Variants in FHOD3 observed in about 807,000 individuals in gnomAD.
FHOD3 encodes the protein FH1/FH2 domain-containing protein 3.
A neutral mutation model predicts 173.0 loss-of-function variants in FHOD3; 90 were observed. The ratio of observed to expected loss-of-function variants is 0.52; its 90% confidence interval spans 0.44 to 0.62. FHOD3 has a LOEUF of 0.62. Among genes scored for constraint, FHOD3 ranks in the 20% least tolerant of loss-of-function variants. The pLI, the probability that FHOD3 is intolerant of heterozygous loss-of-function variation, is 0.00. For synonymous variants in FHOD3, 828 were observed against 823.0 expected, an observed-to-expected ratio of 1.01 and a Z score of -0.10; for missense variants, 1,945 against 2,034.7, an observed-to-expected ratio of 0.96 and a Z score of 0.85.
rs564185976 is a variant in FHOD3 at position 36,695,358 on chromosome 18, A to T, written c.2236+1935A>T. 1.1e-4 allele frequency among the ~76,000 whole-genome samples: 16 copies of T among 152,178 alleles called. No individual in the cohort carries two copies. The East Asian group carries it at 2.5e-3, about 24-fold the overall frequency. ...GTGAGACACCGTCTCAAAAATAAAA[A>T]AAAAAAAAAAGAATATTTGCAAGTG... On this transcript the variant is annotated intron_variant, in intron 17 of 28. Transcript: ENST00000590592.
chr18:36,384,607 G>T (rs1197151170), intron 3 of FHOD3, among the ~76,000 whole-genome samples: 2 of 151,156 alleles, frequency 1.3e-5, no homozygotes, highest in Non-Finnish European at 2.9e-5. Flanking sequence ...ATATTTCATT[G>T]GTGTTAGATC....
intron 3 of FHOD3, among the ~76,000 whole-genome samples, chr18:36,470,993 A>G (rs1369649355): frequency 1.3e-5 from 2 of 152,232 alleles, no homozygotes; most frequent in Non-Finnish European, 2.9e-5. Context: ...CCTCTAGAGC[A>G]GAGACCTCAG....
intron 5 of FHOD3, among the ~76,000 whole-genome samples, chr18:36,541,973 G>A (rs1449404608): frequency 2.0e-5 from 3 of 152,126 alleles, no homozygotes; most frequent in African/African-American, 2.4e-5. Context: ...GTAGATTTGT[G>A]CCAGCATCTA....
In FHOD3 at chr18:36,652,780, C is replaced by G. The variant is rs1001177567; in HGVS notation, c.1497C>G (p.Ser499=). Residue 499 remains serine (S), a synonymous_variant, in exon 12 of 29, where the codon TCC becomes TCG. Transcript: ENST00000590592. ...LSPPASAARP[S]SATPGSLKVS... ...CCCCTGCCTCAGCTGCTCGGCCCTC[C>G]TCCGCCACACCAGGCTCCCTGAAGG... 45 of 1,535,882 alleles carry G rather than the reference C, an allele frequency of 2.9e-5. No individual in the cohort carries two copies. Among genetic ancestry groups the G allele is most frequent in the Middle Eastern group, 3.3e-4 (2 of 6,004 alleles).
At position 36,355,585 on chromosome 18, in the gene FHOD3, A is replaced by G. The variant is rs758768699; in HGVS notation, c.212A>G (p.Asp71Gly). 2.5e-6 allele frequency: 4 copies of G among 1,614,104 alleles called. No individual in the cohort carries two copies. The highest frequency in any genetic ancestry group is 1.1e-5 in the South Asian group (1 of 91,072). ...LQLSHNGAYL[D>G]LEATLAEQRD... Reference sequence around the variant, plus strand: ...CTCTCTCACAATGGCGCCTACCTGGATTTGGAGGCCACCCTGGCAGAGCAG... The same window carrying G: ...CTCTCTCACAATGGCGCCTACCTGGGTTTGGAGGCCACCCTGGCAGAGCAG... Residue 71 changes from aspartate (D) to glycine (G), a missense_variant, in exon 2 of 29, where the codon GAT becomes GGT. This residue lies in a region of FHOD3 where 245 missense variants were observed against 267.7 expected (regional missense o/e 0.92). Coordinates refer to ENST00000590592, the MANE Select transcript of FHOD3 (RefSeq NM_001281740.3).
intron 1 of FHOD3, among the ~76,000 whole-genome samples, chr18:36,349,175 C>T (rs1216640979): frequency 3.3e-5 from 5 of 152,112 alleles, no homozygotes; most frequent in Admixed American, 1.3e-4. Context: ...AGGCTGTGAG[C>T]GGGGGTGGCA....
chr18:36,388,716 T>C (rs2048148239), intron 3 of FHOD3, among the ~76,000 whole-genome samples: 1 of 152,110 alleles, frequency 6.6e-6, no homozygotes, highest in Non-Finnish European at 1.5e-5. Flanking sequence ...CGTTGCCTCT[T>C]CCACAGAAGG....
At chr18:36,634,801 T>C (rs950494526) in intron 10 of FHOD3, among the ~76,000 whole-genome samples, 1 of 151,846 alleles carries the variant, frequency 6.6e-6, no homozygotes, top group African/African-American at 2.4e-5. Flanking sequence ...ATCCATGCCC[T>C]GAAGCATTCA....
intron 1 of FHOD3, among the ~76,000 whole-genome samples, chr18:36,298,924 AT>A (rs1449649352): frequency 6.6e-6 from 1 of 152,098 alleles, no homozygotes; most frequent in Non-Finnish European, 1.5e-5. Flanking sequence ...AGCTTGCAAA[AT>A]TACCTTCCCA....
At chr18:36,357,899 A>G (rs2046437765) in intron 2 of FHOD3, among the ~76,000 whole-genome samples, 1 of 152,308 alleles carries the variant, frequency 6.6e-6, no homozygotes, top group South Asian at 2.1e-4. Flanking sequence ...AATGATTTGG[A>G]GATGACAGCT....
chr18:36,650,394 T>C (rs1322605486), intron 11 of FHOD3, among the ~76,000 whole-genome samples: 2 of 152,160 alleles, frequency 1.3e-5, no homozygotes, highest in African/African-American at 4.8e-5. Context: ...CCGGGGGTCA[T>C]AGAATCTTCT....
At position 36,459,641 on chromosome 18, in the gene FHOD3, C is replaced by T. The variant is rs79355974; in HGVS notation, c.338-42291C>T. On this transcript the variant is annotated intron_variant, in intron 3 of 28. Transcript: ENST00000590592. ...TCAAATGGTCGTGGTATTAGATGAT[C>T]AAGTATAAAAGCAGAGCATTTTGAT... Among the ~76,000 whole-genome samples the T allele has an allele frequency of 6.0e-4, 91 of 152,156 alleles. 1 individual carries two copies. In the East Asian group the frequency reaches 0.016, roughly 27 times the overall value.
chr18:36,512,833 G>A (rs1306968777), intron 5 of FHOD3, among the ~76,000 whole-genome samples: 1 of 152,092 alleles, frequency 6.6e-6, no homozygotes, highest in African/African-American at 2.4e-5. Context: ...TATTTGTCCA[G>A]GAAGGAGACA....
chr18:36,396,215 T>C (rs905910737), intron 3 of FHOD3, among the ~76,000 whole-genome samples: 3 of 152,232 alleles, frequency 2.0e-5, no homozygotes, highest in Non-Finnish European at 4.4e-5. Context: ...TGTCTTGGTA[T>C]AGGTCTTTCT....
intron 3 of FHOD3, among the ~76,000 whole-genome samples, chr18:36,403,272 A>G (rs2048910998): frequency 1.3e-5 from 2 of 152,198 alleles, no homozygotes; most frequent in Non-Finnish European, 2.9e-5. Context: ...TTGGAATGGT[A>G]CTGGTAGAAT....
intron 3 of FHOD3, among the ~76,000 whole-genome samples, chr18:36,393,550 T>G (rs977080107): frequency 7.9e-5 from 12 of 152,198 alleles, no homozygotes; most frequent in Admixed American, 4.6e-4. Flanking sequence ...GCTCTAGAGC[T>G]GGCCCCAAGA....
At chr18:36,415,005 G>T (rs373210059) in intron 3 of FHOD3, among the ~76,000 whole-genome samples, 2 of 152,190 alleles carry the variant, frequency 1.3e-5, no homozygotes, top group African/African-American at 2.4e-5. Context: ...CTAGCAGGAG[G>T]GGGCAGTGAG....
In FHOD3 at chr18:36,445,792, T is replaced by C. The variant is rs377763363; in HGVS notation, c.338-56140T>C. On this transcript the variant is annotated intron_variant, in intron 3 of 28. Coordinates refer to ENST00000590592, the MANE Select transcript of FHOD3 (RefSeq NM_001281740.3). ...CCCCATTGGTGGGTTCCAGAAATCATGGGCATGTCCAGGTAGTTGCAGCGA... is the reference window on the plus strand; with the variant it reads ...CCCCATTGGTGGGTTCCAGAAATCACGGGCATGTCCAGGTAGTTGCAGCGA... 3.9e-5 allele frequency among the ~76,000 whole-genome samples: 6 copies of C among 152,314 alleles called. No individual in the cohort carries two copies. The East Asian group carries it at 1.2e-3, about 29-fold the overall frequency.
intron 6 of FHOD3, among the ~76,000 whole-genome samples, chr18:36,589,967 A>G (rs1476551637): frequency 1.3e-5 from 2 of 152,174 alleles, no homozygotes; most frequent in African/African-American, 4.8e-5. Flanking sequence ...GCAAAGCTGG[A>G]AATCAGAAAG....
Sources: allele counts gnomAD v4.1 joint callset (sites outside exome capture counted in the v4.1 genomes callset), GRCh38; gene constraint gnomAD v4.1.1; regional missense constraint gnomAD v4.1.1; transcripts MANE v1.5; gene names NCBI Gene and HGNC (gene_info 2026-07-23, HGNC 2026-07-21).